MCTP1: variants seen among roughly 807,000 people sequenced by gnomAD.
MCTP1 encodes the protein multiple C2 and transmembrane domain-containing protein 1.
A neutral mutation model predicts 120.6 loss-of-function variants in MCTP1; 69 were observed. That is an observed-to-expected ratio of 0.57 (90% confidence interval 0.47 to 0.70). MCTP1 has a LOEUF of 0.70. Among genes scored for constraint, MCTP1 ranks in the 30% least tolerant of loss-of-function variants. The pLI is 0.00. For missense variants in MCTP1, 1,203 were observed against 1,248.8 expected, an observed-to-expected ratio of 0.96 and a Z score of 0.55; for synonymous variants, 529 against 493.1, an observed-to-expected ratio of 1.07 and a Z score of -0.96.
At chr5:95,145,859 T>C (rs1233324864) in intron 1 of MCTP1, among the ~76,000 whole-genome samples, 1 of 152,140 alleles carries the variant, frequency 6.6e-6, no homozygotes, top group Admixed American at 6.5e-5. Context: ...TCTTTTTTCA[T>C]GCATCTCTGC....
At chr5:94,751,396 C>T (rs1031300513) in intron 19 of MCTP1, among the ~76,000 whole-genome samples, 3 of 149,176 alleles carry the variant, frequency 2.0e-5, no homozygotes, top group Non-Finnish European at 4.4e-5. Context: ...AGAGAAGGGG[C>T]AAGGTGGGGT....
At chr5:94,828,090 A>C (rs747087562) in intron 17 of MCTP1, among the ~76,000 whole-genome samples, 2 of 152,002 alleles carry the variant, frequency 1.3e-5, no homozygotes, top group Non-Finnish European at 2.9e-5. Flanking sequence ...CCTCATCTTC[A>C]TGGACTTATC....
At chr5:94,912,396 C>T (rs187809388) in intron 9 of MCTP1, among the ~76,000 whole-genome samples, 1 of 131,032 alleles carries the variant, frequency 7.6e-6, no homozygotes, top group East Asian at 2.5e-4. Flanking sequence ...CTGCACTCCA[C>T]ACTCCAGCCT....
intron 1 of MCTP1, among the ~76,000 whole-genome samples, chr5:95,121,277 CAAAAAAA>C (rs34423597): frequency 2.9e-4 from 10 of 35,066 alleles, no homozygotes; most frequent in African/African-American, 8.5e-4. Context: ...GACTCCATCA[CAAAAAAA>C]AAAAAAAAAA....
chr5:95,258,686 C>T lies in MCTP1; in HGVS notation c.720+25170G>A, dbSNP rs114517689. On this transcript the variant is annotated intron_variant, in intron 1 of 22. Transcript: ENST00000515393. ...ATGGGAACTCTCTGCCCTATATTTG[C>T]GATTTTTCTTTAAATATAAAACTGT... Among the ~76,000 whole-genome samples the T allele has an allele frequency of 5.7e-3, 861 of 152,192 alleles. 12 individuals carry two copies. Among genetic ancestry groups the T allele is most frequent in the African/African-American group, 0.018 (768 of 41,544 alleles).
intron 1 of MCTP1, among the ~76,000 whole-genome samples, chr5:95,194,944 C>A (rs138587100): frequency 3.9e-4 from 60 of 152,264 alleles, no homozygotes; most frequent in African/African-American, 1.3e-3. Context: ...GAGCAGAGAC[C>A]TTGGCAATAA....
rs1013455928 is a variant in MCTP1, at chr5:95,040,713, C to T, written c.721-23229G>A. Among the ~76,000 whole-genome samples, 6 of 152,114 alleles carry T rather than the reference C, an allele frequency of 3.9e-5. No individual in the cohort carries two copies. In the South Asian group the frequency reaches 6.2e-4, roughly 16 times the overall value. ...GCCCCCTAGCTCGAGGGGTGGAAAACAGCACAAAGATCAAGCCAATCTAAC... is the reference window on the plus strand; with the variant it reads ...GCCCCCTAGCTCGAGGGGTGGAAAATAGCACAAAGATCAAGCCAATCTAAC... On this transcript the variant is annotated intron_variant, in intron 1 of 22. Transcript: ENST00000515393.
At chr5:94,812,172 G>A (rs997603443) in intron 17 of MCTP1, among the ~76,000 whole-genome samples, 3 of 152,118 alleles carry the variant, frequency 2.0e-5, no homozygotes, top group Non-Finnish European at 2.9e-5. Flanking sequence ...GGGATATTAA[G>A]CAGGCATTAA....
At chr5:95,250,802 T>G (rs748074389) in intron 1 of MCTP1, among the ~76,000 whole-genome samples, 1 of 152,238 alleles carries the variant, frequency 6.6e-6, no homozygotes, top group Non-Finnish European at 1.5e-5. Context: ...TTATTATATT[T>G]TTAAAGTGCA....
intron 1 of MCTP1, among the ~76,000 whole-genome samples, chr5:95,095,431 A>G (rs59078751): frequency 0.23 from 34,812 of 152,134 alleles, 4,069 homozygotes; most frequent in East Asian, 0.35. Context: ...ATGCATTGCA[A>G]TAGCAAAGAA....
intron 1 of MCTP1, among the ~76,000 whole-genome samples, chr5:95,227,300 T>C (rs1754393272): frequency 6.6e-6 from 1 of 152,224 alleles, no homozygotes; most frequent in Non-Finnish European, 1.5e-5. Flanking sequence ...CTTATAGTTA[T>C]GTCCTGAAAG....
chr5:94,983,490 C>T (rs941400412), intron 2 of MCTP1, among the ~76,000 whole-genome samples: 2 of 152,066 alleles, frequency 1.3e-5, no homozygotes, highest in African/African-American at 4.8e-5. Context: ...GCCTAAGCTG[C>T]CATAACAAAG....
At chr5:95,111,330 C>T (rs1757436554) in intron 1 of MCTP1, among the ~76,000 whole-genome samples, 1 of 152,100 alleles carries the variant, frequency 6.6e-6, no homozygotes, top group South Asian at 2.1e-4. Flanking sequence ...TGATTCAGGA[C>T]TAAATTGGGG....
intron 19 of MCTP1, among the ~76,000 whole-genome samples, chr5:94,747,010 C>G (rs1221380006): frequency 6.6e-6 from 1 of 152,160 alleles, no homozygotes. Flanking sequence ...CAAAGTCTAG[C>G]TCAAGTATCA....
At chr5:94,740,112 A>T (rs1471136289) in intron 19 of MCTP1, among the ~76,000 whole-genome samples, 1 of 152,260 alleles carries the variant, frequency 6.6e-6, no homozygotes, top group Non-Finnish European at 1.5e-5. Flanking sequence ...TTCAAAAATA[A>T]AATTCATGTT....
intron 1 of MCTP1, among the ~76,000 whole-genome samples, chr5:95,033,455 TAAACAGA>T (rs1840661183): frequency 6.6e-6 from 1 of 151,988 alleles, no homozygotes; most frequent in African/African-American, 2.4e-5. Context: ...ATGCACCACA[TAAACAGA>T]ATAAGAACAA....
At chr5:94,875,022 G>A (rs915154921) in intron 12 of MCTP1, among the ~76,000 whole-genome samples, 1 of 152,130 alleles carries the variant, frequency 6.6e-6, no homozygotes, top group East Asian at 1.9e-4. Flanking sequence ...TGTTCTATTT[G>A]TTGGGGAAAC....
intron 2 of MCTP1, among the ~76,000 whole-genome samples, chr5:94,981,986 T>C (rs935631606): frequency 3.9e-5 from 6 of 152,154 alleles, no homozygotes; most frequent in Non-Finnish European, 7.4e-5. Context: ...TGTCAAGTTA[T>C]CGTTCTTTGA....
In MCTP1 at chr5:94,882,571, C is replaced by CCATTGTTTAAACAATGGATTAAACAA. The variant is rs1222738266; in HGVS notation, c.1933+6307_1933+6308insTTGTTTAATCCATTGTTTAAACAATG. Among the ~76,000 whole-genome samples the CCATTGTTTAAACAATGGATTAAACAA allele has an allele frequency of 3.3e-5, 5 of 152,208 alleles. No individual in the cohort carries two copies. In the East Asian group the frequency reaches 9.6e-4, roughly 29 times the overall value. On this transcript the variant is annotated intron_variant, in intron 12 of 22. Transcript: ENST00000515393. ...TTAAGTTTAATTTTAAACAATGATT[C>CCATTGTTTAAACAATGGATTAAACAA]TAGCATCATGAAGGTATTTCTTCAA...
Sources: allele counts gnomAD v4.1 joint callset (sites outside exome capture counted in the v4.1 genomes callset), GRCh38; gene constraint gnomAD v4.1.1; transcripts MANE v1.5; gene names NCBI Gene and HGNC (gene_info 2026-07-23, HGNC 2026-07-21).